Variants in ZC3H12B observed in about 807,000 individuals in gnomAD.
The protein encoded by ZC3H12B is probable ribonuclease ZC3H12B.
A neutral mutation model predicts 43.9 loss-of-function variants in ZC3H12B; 7 were observed. That is an observed-to-expected ratio of 0.16 (90% confidence interval 0.09 to 0.30). The LOEUF is 0.30. Among genes scored for constraint, ZC3H12B ranks in the 10% least tolerant of loss-of-function variants. The pLI is 1.00. For synonymous variants in ZC3H12B, 222 were observed against 241.7 expected (o/e 0.92, Z 0.76); for missense variants, 475 against 670.2 (o/e 0.71, Z 3.22).
chrX:65,235,892 G>T, the ZC3H12B span, among the ~76,000 whole-genome samples: 1 of 111,361 alleles, frequency 9.0e-6, no homozygotes, highest in African/African-American at 3.3e-5. Context: ...TGACCAAGTG[G>T]AATAAAGTAC....
intron 2 of ZC3H12B, among the ~76,000 whole-genome samples, chrX:65,385,842 T>A (rs1448887892): frequency 8.9e-6 from 1 of 111,843 alleles, no homozygotes; most frequent in Non-Finnish European, 1.9e-5. Context: ...TTATTGAGAG[T>A]TTTTAGCATG....
At chrX:65,461,286 T>A (rs2067741686) in intron 3 of ZC3H12B, among the ~76,000 whole-genome samples, 1 of 112,011 alleles carries the variant, frequency 8.9e-6, no homozygotes, top group African/African-American at 3.3e-5. Context: ...ATTGTGGAAG[T>A]CAGTGTGGCG....
the ZC3H12B span, among the ~76,000 whole-genome samples, chrX:65,306,900 A>G: frequency 8.9e-6 from 1 of 112,497 alleles, no homozygotes; most frequent in African/African-American, 3.2e-5. Context: ...TAATTATGCT[A>G]AGTGAAAGAG....
At chrX:65,381,969 C>A (rs1270989193) in intron 2 of ZC3H12B, among the ~76,000 whole-genome samples, 3 of 111,749 alleles carry the variant, frequency 2.7e-5, no homozygotes, top group African/African-American at 9.8e-5. Context: ...TCAATACTTA[C>A]CAACGATAAA....
At chrX:65,296,852 T>C in the ZC3H12B span, among the ~76,000 whole-genome samples, 1 of 111,462 alleles carries the variant, frequency 9.0e-6, no homozygotes, top group African/African-American at 3.3e-5. Flanking sequence ...TGATTTAACA[T>C]ATACAGGTCA....
chrX:65,219,116 G>A, the ZC3H12B span, among the ~76,000 whole-genome samples: 1 of 111,690 alleles, frequency 9.0e-6, no homozygotes, highest in Non-Finnish European at 1.9e-5. Context: ...ATCTCTAGGG[G>A]AAAAGGTAAA....
chrX:65,377,851 C>T (rs973524502), intron 2 of ZC3H12B, among the ~76,000 whole-genome samples: 6 of 111,208 alleles, frequency 5.4e-5, no homozygotes, highest in Non-Finnish European at 9.4e-5. Flanking sequence ...GTAATCCCAG[C>T]ACTTTGGGAG....
At chrX:65,071,025 G>T in the ZC3H12B span, among the ~76,000 whole-genome samples, 1 of 108,090 alleles carries the variant, frequency 9.3e-6, no homozygotes. Flanking sequence ...TAACCTCAAT[G>T]ATTTTTTTTC....
At chrX:65,135,700 A>ATT in the ZC3H12B span, among the ~76,000 whole-genome samples, 23 of 64,143 alleles carry the variant, frequency 3.6e-4, no homozygotes, top group African/African-American at 1.1e-3. Flanking sequence ...TTGGTTAGAT[A>ATT]TTTTTTTTTT....
rs756557148 is a variant in ZC3H12B at position 65,415,513 on chromosome X, G to T, written n.407+16809G>T. On this transcript the variant is annotated intron_variant and non_coding_transcript_variant, in intron 3 of 5. Coordinates refer to the ZC3H12B transcript ENST00000617377. ...TTAGGTTGGAATTTTGTGTCTTATT[G>T]CTACAAACAGTCTGTTTCATCAGTC... 8.0e-5 allele frequency among the ~76,000 whole-genome samples: 9 copies of T among 112,207 alleles called. No homozygotes were observed. In the East Asian group the frequency reaches 2.2e-3, roughly 28 times the overall value.
At chrX:65,253,790 A>G in the ZC3H12B span, among the ~76,000 whole-genome samples, 1 of 111,833 alleles carries the variant, frequency 8.9e-6, no homozygotes, top group Admixed American at 9.4e-5. Context: ...AGTGGCCCAC[A>G]CAGATGTGCA....
the ZC3H12B span, among the ~76,000 whole-genome samples, chrX:65,279,411 A>T: frequency 1.1e-4 from 12 of 107,091 alleles, no homozygotes; most frequent in Non-Finnish European, 1.9e-4. Context: ...AGCTTTTTTC[A>T]TATGATTGTT....
the ZC3H12B span, among the ~76,000 whole-genome samples, chrX:65,081,983 A>G: frequency 8.9e-6 from 1 of 112,181 alleles, no homozygotes; most frequent in East Asian, 2.8e-4. Context: ...TGGAAACTAC[A>G]CAAATAACAT....
At chrX:65,501,161 C>T (rs978347421) in intron 4 of ZC3H12B, among the ~76,000 whole-genome samples, 3 of 110,379 alleles carry the variant, frequency 2.7e-5, no homozygotes, top group Non-Finnish European at 3.8e-5. Flanking sequence ...CTTTCTGTTA[C>T]TCTATGCTGC....
At chrX:65,214,323 T>C in the ZC3H12B span, among the ~76,000 whole-genome samples, 2 of 111,905 alleles carry the variant, frequency 1.8e-5, no homozygotes, top group Non-Finnish European at 3.8e-5. Flanking sequence ...TTGATAGCAG[T>C]TTATCCACAG....
chrX:65,458,084 T>TAAAAAAAAAAAAAAAAAAAAAA (rs2067659998), intron 3 of ZC3H12B, among the ~76,000 whole-genome samples: 1 of 48,989 alleles, frequency 2.0e-5, no homozygotes, highest in Non-Finnish European at 3.6e-5. Flanking sequence ...AAAAAAAAAA[T>TAAAAAAAAAAAAAAAAAAAAAA]TAAAAAAAAA....
chrX:65,496,518 T>A (rs1002597050), intron 1 of ZC3H12B, among the ~76,000 whole-genome samples: 1 of 109,608 alleles, frequency 9.1e-6, no homozygotes, highest in African/African-American at 3.5e-5. Context: ...GAGATAGCCA[T>A]CAGGGCTGCA....
intron 3 of ZC3H12B, among the ~76,000 whole-genome samples, chrX:65,427,468 A>G (rs2067097841): frequency 9.0e-6 from 1 of 110,864 alleles, no homozygotes; most frequent in South Asian, 3.9e-4. Flanking sequence ...AGCTGGGACT[A>G]CAGGTGCATG....
the ZC3H12B span, among the ~76,000 whole-genome samples, chrX:65,042,290 T>C: frequency 8.9e-6 from 1 of 112,473 alleles, no homozygotes; most frequent in African/African-American, 3.2e-5. Flanking sequence ...CTTGGCACTT[T>C]GTGTATTTAT....
Sources: gnomAD v4.1 joint callset for allele counts (sites outside exome capture counted in the v4.1 genomes callset) on GRCh38, gnomAD v4.1.1 for gene constraint, MANE v1.5 for transcripts, NCBI Gene and HGNC (gene_info 2026-07-23, HGNC 2026-07-21) for gene names.